The following DAPK1 variants were observed in gnomAD, a reference collection of about 807,000 sequenced individuals.
DAPK1 encodes death-associated protein kinase 1.
A neutral mutation model predicts 144.9 loss-of-function variants in DAPK1; 56 were observed. The ratio of observed to expected loss-of-function variants is 0.39; its 90% confidence interval spans 0.31 to 0.48. The LOEUF (loss-of-function observed/expected upper bound fraction) is 0.48, where lower values mean the gene tolerates loss of function less well. Among genes scored for constraint, DAPK1 ranks in the 20% least tolerant of loss-of-function variants. The pLI is 0.95. For synonymous variants in DAPK1, 690 were observed against 749.0 expected, an observed-to-expected ratio of 0.92 and a Z score of 1.29; for missense variants, 1,454 against 1,875.4, an observed-to-expected ratio of 0.78 and a Z score of 4.15.
intron 25 of DAPK1, among the ~76,000 whole-genome samples, chr9:87,704,617 G>C (rs958294622): frequency 6.6e-6 from 1 of 152,128 alleles, no homozygotes; most frequent in African/African-American, 2.4e-5. Context: ...CTCCACTATG[G>C]GACAGTTTCG....
chr9:87,563,078 C>T (rs553838948), intron 2 of DAPK1, among the ~76,000 whole-genome samples: 12 of 152,228 alleles, frequency 7.9e-5, no homozygotes, highest in African/African-American at 2.9e-4. Flanking sequence ...ATCTTGGGCC[C>T]CTCTTTGTGA....
rs980565119 is a variant in DAPK1 at position 87,497,897 on chromosome 9, G to A, written c.-319G>A. ...GGAGTGTGAGGAGGACAGCCGGACC[G>A]AGCCAACGCCGGGGACTTTGTTCCC... is the stretch of plus-strand genomic sequence containing the variant. On this transcript the variant is annotated 5_prime_UTR_variant, in exon 1 of 26. Coordinates refer to ENST00000408954, the MANE Select transcript of DAPK1 (RefSeq NM_004938.4). The A allele has an allele frequency of 7.6e-6, 3 of 395,046 alleles. No individual in the cohort carries two copies. The highest frequency in any genetic ancestry group is 4.1e-5 in the African/African-American group (2 of 48,478). 24.5% of individuals were successfully genotyped at this position (395,046 alleles called of 1,614,324 possible). A position where few individuals can be genotyped will look rare whatever the true frequency, so the allele number is the denominator to read the frequency against.
At chr9:87,593,838 G>C (rs778136573) in intron 2 of DAPK1, among the ~76,000 whole-genome samples, 3 of 152,124 alleles carry the variant, frequency 2.0e-5, no homozygotes, top group Admixed American at 6.5e-5. Flanking sequence ...GGCTGAAAGG[G>C]GATTACATGA....
At position 87,618,042 on chromosome 9, in the gene DAPK1, C is replaced by A. The variant is rs1829162550; in HGVS notation, c.284+12867C>A. 2.0e-5 allele frequency among the ~76,000 whole-genome samples: 3 copies of A among 152,176 alleles called. No homozygotes were observed. In the South Asian group the frequency reaches 6.2e-4, roughly 31 times the overall value. On this transcript the variant is annotated intron_variant, in intron 3 of 25. Coordinates refer to ENST00000408954, the MANE Select transcript of DAPK1 (RefSeq NM_004938.4). ...CTTATTACCATTCTCTTACTTTGGC[C>A]CTGGCCCAGAATCTCAAGAATTCTT...
chr9:87,682,222 G>A (rs1014241400), intron 20 of DAPK1, among the ~76,000 whole-genome samples: 3 of 152,144 alleles, frequency 2.0e-5, no homozygotes, highest in Non-Finnish European at 4.4e-5. Context: ...CACCCTCCTT[G>A]GGAACGTTTG....
At chr9:87,588,424 C>CT (rs1828008988) in intron 2 of DAPK1, among the ~76,000 whole-genome samples, 1 of 152,122 alleles carries the variant, frequency 6.6e-6, no homozygotes, top group Admixed American at 6.5e-5. Context: ...ATAATCATAC[C>CT]TTTTTATCTC....
chr9:87,583,555 T>C (rs1211277780), intron 2 of DAPK1, among the ~76,000 whole-genome samples: 1 of 152,220 alleles, frequency 6.6e-6, no homozygotes, highest in African/African-American at 2.4e-5. Context: ...AGAAATGTCA[T>C]GCATAGAGAA....
At chr9:87,551,994 G>T (rs1385843748) in intron 2 of DAPK1, among the ~76,000 whole-genome samples, 1 of 152,176 alleles carries the variant, frequency 6.6e-6, no homozygotes, top group Non-Finnish European at 1.5e-5. Context: ...AAGCCAGAGG[G>T]GCTTGGAGGG....
chr9:87,604,005 C>T (rs540567587), intron 2 of DAPK1, among the ~76,000 whole-genome samples: 1 of 152,286 alleles, frequency 6.6e-6, no homozygotes, highest in South Asian at 2.1e-4. Flanking sequence ...GCTTATGTCG[C>T]TGAAACATCA....
chr9:87,678,718 G>C, intron 19 of DAPK1, among the ~76,000 whole-genome samples: 1 of 152,160 alleles, frequency 6.6e-6, no homozygotes, highest in East Asian at 1.9e-4. Context: ...CAGATGCTCA[G>C]AAGTCAGGGG....
intron 2 of DAPK1, among the ~76,000 whole-genome samples, chr9:87,571,072 C>G (rs755960456): frequency 6.6e-6 from 1 of 152,118 alleles, no homozygotes; most frequent in Non-Finnish European, 1.5e-5. Flanking sequence ...CTGTTTAGTT[C>G]ATTAAAGAAA....
chr9:87,682,819 A>G (rs1824688878), intron 20 of DAPK1, among the ~76,000 whole-genome samples: 1 of 152,174 alleles, frequency 6.6e-6, no homozygotes. Flanking sequence ...TTGAGGGGTC[A>G]GTTGGCTTCT....
chr9:87,598,796 A>C (rs1450586695), intron 2 of DAPK1, among the ~76,000 whole-genome samples: 1 of 152,248 alleles, frequency 6.6e-6, no homozygotes, highest in Non-Finnish European at 1.5e-5. Flanking sequence ...CAGGAACTAT[A>C]GAAGACCTAC....
intron 21 of DAPK1, among the ~76,000 whole-genome samples, chr9:87,694,585 A>G (rs1483304918): frequency 6.6e-6 from 1 of 152,120 alleles, no homozygotes; most frequent in Non-Finnish European, 1.5e-5. Context: ...ATTTGCACAT[A>G]CTTTAGACTC....
At chr9:87,637,429 A>G (rs1375203598) in intron 3 of DAPK1, among the ~76,000 whole-genome samples, 4 of 152,176 alleles carry the variant, frequency 2.6e-5, no homozygotes, top group African/African-American at 4.8e-5. Context: ...TAGTATTTAC[A>G]TACAAACCAA....
At position 87,658,060 on chromosome 9, in the gene DAPK1, A is replaced by G. The variant is rs1468966218; in HGVS notation, c.1856A>G (p.Asn619Ser). The G allele has an allele frequency of 6.5e-7, 1 of 1,543,530 alleles. No individual in the cohort carries two copies. Among genetic ancestry groups the G allele is most frequent in the Admixed American group, 1.7e-5 (1 of 59,770 alleles). ...YGRTPLHLAA[N>S]NGILDVVRYL... ...CGAACGCCTCTGCACCTTGCGGCCA[A>G]CAACGGAATCCTAGACGTGGTCCGG... The change falls in exon 18 of 26, where the codon AAC becomes AGC. Residue 619 changes from asparagine to serine, a missense_variant. Coordinates refer to ENST00000408954, the MANE Select transcript of DAPK1 (RefSeq NM_004938.4).
chr9:87,530,710 C>T (rs1825669104), intron 2 of DAPK1, among the ~76,000 whole-genome samples: 1 of 152,176 alleles, frequency 6.6e-6, no homozygotes, highest in African/African-American at 2.4e-5. Flanking sequence ...ATGGGACAGA[C>T]TGAGCCGATT....
chr9:87,612,700 C>T (rs916365849), intron 3 of DAPK1, among the ~76,000 whole-genome samples: 1 of 152,112 alleles, frequency 6.6e-6, no homozygotes, highest in African/African-American at 2.4e-5. Flanking sequence ...AACATAATGC[C>T]TAATTATGGT....
intron 2 of DAPK1, among the ~76,000 whole-genome samples, chr9:87,564,718 C>T (rs1037003705): frequency 2.0e-5 from 3 of 152,082 alleles, no homozygotes; most frequent in Non-Finnish European, 4.4e-5. Context: ...TAATCTGGAA[C>T]CAGCTCCCAC....
Sources: allele counts gnomAD v4.1 joint callset (sites outside exome capture counted in the v4.1 genomes callset), GRCh38; gene constraint gnomAD v4.1.1; transcripts MANE v1.5; gene names NCBI Gene and HGNC (gene_info 2026-07-23, HGNC 2026-07-21).